The following FAM151B variants were observed in gnomAD, a reference collection of about 807,000 sequenced individuals.
FAM151B encodes protein FAM151B.
A neutral mutation model predicts 31.2 loss-of-function variants in FAM151B; 24 were observed. That is an observed-to-expected ratio of 0.77 (90% CI 0.56 to 1.08). The LOEUF (loss-of-function observed/expected upper bound fraction) is 1.08, where lower values mean the gene tolerates loss of function less well. FAM151B is among the 50% of genes least tolerant of loss of function. The probability of loss-of-function intolerance (pLI) is 0.00; values close to 1 mark genes in which losing one functional copy is unlikely to be tolerated. For synonymous variants in FAM151B, 105 were observed against 111.4 expected (o/e 0.94, Z 0.36); for missense variants, 293 against 328.6 (o/e 0.89, Z 0.84).
intron 5 of FAM151B, among the ~76,000 whole-genome samples, chr5:80,526,714 T>C (rs1157486587): frequency 6.6e-6 from 1 of 152,182 alleles, no homozygotes; most frequent in Non-Finnish European, 1.5e-5. Context: ...TTTTCAACTT[T>C]TATATCTCTA....
intron 5 of FAM151B, among the ~76,000 whole-genome samples, chr5:80,540,848 G>T (rs1745852341): frequency 6.6e-6 from 1 of 152,130 alleles, no homozygotes; most frequent in Non-Finnish European, 1.5e-5. Flanking sequence ...ATCCTTAAGG[G>T]CAGGAATGTG....
Position 80,492,641 on chromosome 5 carries a change from C to G in FAM151B, c.25+4493C>G, listed in dbSNP as rs991155139. Among the ~76,000 whole-genome samples, 3 of 152,156 alleles carry G rather than the reference C, an allele frequency of 2.0e-5. No individual in the cohort carries two copies. The South Asian group carries it at 6.2e-4, about 32-fold the overall frequency. On this transcript the variant is annotated intron_variant, in intron 1 of 5. Coordinates refer to ENST00000282226, the MANE Select transcript of FAM151B (RefSeq NM_205548.3). ...GTGTTTATGTGAAAGGAAGAGTCAC[C>G]TGTTTCTCACTTAAAATCGAAAGCC...
In FAM151B at chr5:80,513,093, T is replaced by C. The variant is rs967125288; in HGVS notation, c.152-511T>C. Among the ~76,000 whole-genome samples, 7 of 152,336 alleles carry C rather than the reference T, an allele frequency of 4.6e-5. No individual in the cohort carries two copies. The East Asian group carries it at 1.2e-3, about 25-fold the overall frequency. On this transcript the variant is annotated intron_variant, in intron 2 of 5. Coordinates refer to ENST00000282226, the MANE Select transcript of FAM151B (RefSeq NM_205548.3). ...TTGGAGTCAGTCTGTCACAGCCTGC[T>C]GAACATACTTACACCATGTCTGCTG... is the stretch of plus-strand genomic sequence containing the variant.
intron 2 of FAM151B, chr5:80,506,147 A>T: frequency 1.0e-6 from 1 of 982,682 alleles, no homozygotes; most frequent in Non-Finnish European, 1.2e-6. Flanking sequence ...GCATTACAAT[A>T]AGTTAATCAG....
chr5:80,494,447 C>G (rs1474354956), intron 1 of FAM151B, among the ~76,000 whole-genome samples: 1 of 47,728 alleles, frequency 2.1e-5, no homozygotes, highest in Admixed American at 3.1e-4. Flanking sequence ...CTTTCTTTTT[C>G]TTTCTTTCTT....
rs774074296 is a variant in FAM151B at position 80,488,151 on chromosome 5, A to G, written c.25+3A>G. 1.9e-6 allele frequency: 3 copies of G among 1,541,926 alleles called. No homozygotes were observed. The highest frequency in any genetic ancestry group is 1.2e-5 in the South Asian group (1 of 83,884). ...GGCAGCATCCGCTGGAGGCCCAGGT[A>G]AGCGCCGAGCGCGCGGCCTCTGCCT... On this transcript the variant is annotated splice_donor_region_variant and intron_variant, in intron 1 of 5. Coordinates refer to ENST00000282226, the MANE Select transcript of FAM151B (RefSeq NM_205548.3).
At chr5:80,505,749 ATTTT>A (rs386404255) in intron 2 of FAM151B, among the ~76,000 whole-genome samples, 2 of 77,866 alleles carry the variant, frequency 2.6e-5, no homozygotes, top group Non-Finnish European at 4.4e-5. Context: ...TCCTATAAGA[ATTTT>A]TTTTTTTTTT....
intron 2 of FAM151B, among the ~76,000 whole-genome samples, chr5:80,507,118 CAAAAA>C (rs58200677): frequency 2.7e-5 from 3 of 112,322 alleles, no homozygotes; most frequent in East Asian, 2.8e-4. Context: ...GACTCCATCT[CAAAAA>C]AAAAAAAAAA....
At chr5:80,500,881 C>G (rs954158995) in intron 1 of FAM151B, 15 of 850,362 alleles carry the variant, frequency 1.8e-5, no homozygotes, top group Non-Finnish European at 2.6e-5. Context: ...ATATGGCATC[C>G]TCTGCATGGA....
At chr5:80,501,549 A>C in intron 1 of FAM151B, 2 of 470,736 alleles carry the variant, frequency 4.2e-6, no homozygotes, top group Non-Finnish European at 7.6e-6. Context: ...TGTACTGTAT[A>C]TAAGGGATTC....
chr5:80,538,199 C>T (rs767761820), intron 5 of FAM151B, among the ~76,000 whole-genome samples: 106 of 151,922 alleles, frequency 7.0e-4, no homozygotes, highest in Non-Finnish European at 1.3e-3. Context: ...TCCCAAGTAG[C>T]TGGGACTACA....
At chr5:80,532,193 G>T (rs1745273428) in intron 5 of FAM151B, among the ~76,000 whole-genome samples, 2 of 135,150 alleles carry the variant, frequency 1.5e-5, no homozygotes, top group Non-Finnish European at 3.1e-5. Context: ...CACAGGGTGG[G>T]GAACATCCCA....
Position 80,541,772 on chromosome 5 carries a change from C to T in FAM151B, c.771C>T (p.Asp257=), listed in dbSNP as rs771321376. ...TTGACAAAAAACAAGTTTTCTATGA[C>T]ATCTTGGAACCACAAAACCATGAAT... is the stretch of plus-strand genomic sequence containing the variant. ...DHFDKKQVFY[D]ILEPQNHEFK... is the part of the protein sequence containing the mutation. The change falls in exon 6 of 6, where the codon GAC becomes GAT. Residue 257 remains aspartate, a synonymous_variant. Coordinates refer to ENST00000282226, the MANE Select transcript of FAM151B (RefSeq NM_205548.3). 1.7e-5 allele frequency: 27 copies of T among 1,613,578 alleles called. No homozygotes were observed. The highest frequency in any genetic ancestry group is 2.2e-5 in the East Asian group (1 of 44,752).
chr5:80,490,159 A>G (rs1239905289), intron 1 of FAM151B, among the ~76,000 whole-genome samples: 1 of 152,136 alleles, frequency 6.6e-6, no homozygotes, highest in African/African-American at 2.4e-5. Flanking sequence ...TTTGAAAGGC[A>G]GGAGGATCGC....
intron 5 of FAM151B, among the ~76,000 whole-genome samples, chr5:80,533,820 CA>C (rs1382325929): frequency 7.4e-6 from 1 of 134,998 alleles, no homozygotes; most frequent in Non-Finnish European, 1.6e-5. Context: ...ATCAATGAAA[CA>C]AAAAGTTGGC....
At chr5:80,505,858 G>A (rs144371909) in intron 2 of FAM151B, 7,241 of 141,740 alleles carry the variant, frequency 0.051, 180 homozygotes, top group Middle Eastern at 0.076. Flanking sequence ...CTGTATTCAC[G>A]TGATTCTCCT....
chr5:80,501,610 T>C (rs1440082969), intron 1 of FAM151B, among the ~76,000 whole-genome samples, 182 bp from the exon 2 acceptor site: 2 of 152,100 alleles, frequency 1.3e-5, no homozygotes, highest in East Asian at 3.8e-4. Flanking sequence ...AACAGATATG[T>C]GAGATGATGG....
chr5:80,518,240 C>T lies in FAM151B; in HGVS notation c.318-1453C>T, dbSNP rs961525217. Among the ~76,000 whole-genome samples, 4 of 152,174 alleles carry T rather than the reference C, an allele frequency of 2.6e-5. No homozygotes were observed. The East Asian group carries it at 7.7e-4, about 29-fold the overall frequency. ...CCAGCTTCCATAAGACACCAGATTT[C>T]TTAAGAAATCAGAGTCCTTTTTGGA... On this transcript the variant is annotated intron_variant, in intron 3 of 5. Coordinates refer to ENST00000282226, the MANE Select transcript of FAM151B (RefSeq NM_205548.3).
intron 2 of FAM151B, among the ~76,000 whole-genome samples, chr5:80,508,445 CT>C (rs1207070664): frequency 0.028 from 4,091 of 146,822 alleles, 163 homozygotes; most frequent in African/African-American, 0.091. Flanking sequence ...TGTTATTGTA[CT>C]TTTTTTTTTT....
Sources: allele counts gnomAD v4.1 joint callset (sites outside exome capture counted in the v4.1 genomes callset), GRCh38; gene constraint gnomAD v4.1.1; transcripts MANE v1.5; gene names NCBI Gene and HGNC (gene_info 2026-07-23, HGNC 2026-07-21).